The following CENPP variants were observed in gnomAD, a reference collection of about 807,000 sequenced individuals.
CENPP encodes centromere protein P.
In CENPP, 24 loss-of-function variants were observed where a neutral mutation model predicts 35.6. The ratio of observed to expected loss-of-function variants is 0.67; its 90% CI spans 0.49 to 0.95. CENPP has a LOEUF of 0.95. CENPP is among the 40% of genes least tolerant of loss of function. CENPP has a pLI of 0.00. For missense variants in CENPP, 332 were observed against 345.3 expected, an observed-to-expected ratio of 0.96 and a Z score of 0.31; for synonymous variants, 120 against 125.5, an observed-to-expected ratio of 0.96 and a Z score of 0.29.
intron 5 of CENPP, among the ~76,000 whole-genome samples, chr9:92,583,487 G>T (rs1383781512): frequency 6.6e-6 from 1 of 152,150 alleles, no homozygotes; most frequent in African/African-American, 2.4e-5. Context: ...ATTTGTAAAT[G>T]CTTACAGGAA....
chr9:92,485,936 A>C (rs1224165273), intron 5 of CENPP, among the ~76,000 whole-genome samples: 2 of 152,174 alleles, frequency 1.3e-5, no homozygotes, highest in Non-Finnish European at 2.9e-5. Flanking sequence ...GGCAGTTTGA[A>C]TTTTCTGATG....
chr9:92,510,083 C>T, intron 5 of CENPP: 1 of 1,551,754 alleles, frequency 6.4e-7, no homozygotes, highest in Non-Finnish European at 8.6e-7. Context: ...CACAGCTGTG[C>T]AGTCACATTT....
intron 5 of CENPP, chr9:92,386,089 A>G: frequency 5.1e-6 from 4 of 777,184 alleles, no homozygotes; most frequent in South Asian, 1.6e-5. Flanking sequence ...CTATCACGCT[A>G]CTACAGTGAT....
chr9:92,470,520 A>G (rs1473063200), intron 5 of CENPP: 8 of 480,280 alleles, frequency 1.7e-5, no homozygotes, highest in South Asian at 3.9e-5. Flanking sequence ...ATAATTTTTA[A>G]TTGACTAGAA....
chr9:92,564,878 T>A (rs1849928848), intron 5 of CENPP, among the ~76,000 whole-genome samples: 1 of 152,226 alleles, frequency 6.6e-6, no homozygotes, highest in African/African-American at 2.4e-5. Flanking sequence ...GGTCATTTTA[T>A]CAGCCTTTAC....
intron 5 of CENPP, among the ~76,000 whole-genome samples, chr9:92,497,581 G>A (rs1411142411): frequency 1.3e-5 from 2 of 150,536 alleles, no homozygotes; most frequent in Non-Finnish European, 2.9e-5. Context: ...CTGAGATCAC[G>A]CCGTTGCACT....
Position 92,451,553 on chromosome 9 carries a change from T to C in CENPP, c.564+71694T>C, listed in dbSNP as rs371087326. ...CATGATGCCTCCAGCTTTGTTCTTTTGGCTTGGGATTGACTTGGCGATGCG... is the reference window on the plus strand; with the variant it reads ...CATGATGCCTCCAGCTTTGTTCTTTCGGCTTGGGATTGACTTGGCGATGCG... On this transcript the variant is annotated intron_variant, in intron 5 of 7. Coordinates refer to ENST00000375587, the MANE Select transcript of CENPP (RefSeq NM_001012267.3). Among the ~76,000 whole-genome samples, 17 of 152,346 alleles carry C rather than the reference T, an allele frequency of 1.1e-4. No individual in the cohort carries two copies. The South Asian group carries it at 3.3e-3, about 30-fold the overall frequency.
chr9:92,388,929 T>C (rs1298443372), intron 5 of CENPP, among the ~76,000 whole-genome samples: 1 of 152,076 alleles, frequency 6.6e-6, no homozygotes, highest in African/African-American at 2.4e-5. Context: ...TGAGCTCTGA[T>C]GTAACTTTAA....
At chr9:92,549,859 C>T (rs1008137644) in intron 5 of CENPP, among the ~76,000 whole-genome samples, 1 of 152,132 alleles carries the variant, frequency 6.6e-6, no homozygotes, top group Non-Finnish European at 1.5e-5. Context: ...AAAGTTTGTT[C>T]AGGAGCCAGG....
rs571405034 is a variant in CENPP, at chr9:92,450,648, C to T, written c.564+70789C>T. 2.1e-3 allele frequency among the ~76,000 whole-genome samples: 323 copies of T among 152,208 alleles called. 1 individual carries two copies. Among genetic ancestry groups the T allele is most frequent in the South Asian group, 9.1e-3 (44 of 4,810 alleles). On this transcript the variant is annotated intron_variant, in intron 5 of 7. Transcript: ENST00000375587. ...TCTGGGTCTAATGGTATTTCTAGTTCCAGATCTCTGGGGAATCGCCACACT... is the reference window on the plus strand; with the variant it reads ...TCTGGGTCTAATGGTATTTCTAGTTTCAGATCTCTGGGGAATCGCCACACT...
chr9:92,521,828 C>G (rs2131241093), intron 5 of CENPP, among the ~76,000 whole-genome samples: 1 of 152,184 alleles, frequency 6.6e-6, no homozygotes, highest in South Asian at 2.1e-4. Context: ...ACAGAATCAT[C>G]TGAATAATTT....
chr9:92,517,408 G>A, intron 5 of CENPP: 1 of 573,494 alleles, frequency 1.7e-6, no homozygotes, highest in Non-Finnish European at 3.1e-6. Flanking sequence ...TAGAAATTCT[G>A]TTACCATATC....
chr9:92,458,489 T>G (rs1414184060), intron 5 of CENPP, among the ~76,000 whole-genome samples: 1 of 152,166 alleles, frequency 6.6e-6, no homozygotes, highest in South Asian at 2.1e-4. Context: ...AGCTGCTCAA[T>G]ATAAGTGCAA....
chr9:92,504,017 C>T (rs1846844386), intron 5 of CENPP, among the ~76,000 whole-genome samples: 1 of 152,198 alleles, frequency 6.6e-6, no homozygotes, highest in South Asian at 2.1e-4. Context: ...AGGAGTGGAT[C>T]CCTCTGGAGA....
At chr9:92,568,587 T>G (rs1336477718) in intron 5 of CENPP, among the ~76,000 whole-genome samples, 1 of 152,196 alleles carries the variant, frequency 6.6e-6, no homozygotes, top group East Asian at 1.9e-4. Flanking sequence ...TTATAATCCT[T>G]TGGGTATATA....
intron 5 of CENPP, chr9:92,536,208 G>A: frequency 2.8e-6 from 1 of 355,872 alleles, no homozygotes. Flanking sequence ...GAAAACAGCA[G>A]TGGGTGTGGG....
intron 5 of CENPP, among the ~76,000 whole-genome samples, chr9:92,431,670 G>A (rs1844112452): frequency 6.6e-6 from 1 of 152,060 alleles, no homozygotes; most frequent in South Asian, 2.1e-4. Flanking sequence ...TGCCTCCCAG[G>A]TTCAAGCAAT....
Position 92,619,262 on chromosome 9 carries a change from A to G in CENPP, c.*6113A>G. 1 of 530,792 alleles carries G rather than the reference A, an allele frequency of 1.9e-6. No individual in the cohort carries two copies. Among genetic ancestry groups the G allele is most frequent in the Non-Finnish European group, 3.4e-6 (1 of 295,130 alleles). The allele number at this position is 530,792 out of a possible 1,614,324, so 32.9% of individuals were successfully genotyped here. A position where few individuals can be genotyped will look rare whatever the true frequency, so the allele number is the denominator to read the frequency against. ...AAACAGTAACTTTCAATGTACTAAC[A>G]ATCCTTTTAAGTTATTCTCCATAAA... On this transcript the variant is annotated 3_prime_UTR_variant, in exon 8 of 8. Coordinates refer to ENST00000375587, the MANE Select transcript of CENPP (RefSeq NM_001012267.3).
At chr9:92,566,543 A>G (rs951980715) in intron 5 of CENPP, among the ~76,000 whole-genome samples, 5 of 152,172 alleles carry the variant, frequency 3.3e-5, no homozygotes, top group African/African-American at 1.2e-4. Context: ...AAAACCAAAA[A>G]GAAATTTTGG....
Sources: allele counts gnomAD v4.1 joint callset (sites outside exome capture counted in the v4.1 genomes callset), GRCh38; gene constraint gnomAD v4.1.1; transcripts MANE v1.5; gene names NCBI Gene and HGNC (gene_info 2026-07-23, HGNC 2026-07-21).